The following NTRK2 variants were observed in gnomAD, a reference collection of about 807,000 sequenced individuals.
NTRK2 encodes the protein BDNF/NT-3 growth factors receptor.
NTRK2 carries 13 observed loss-of-function variants against 94.5 expected under a neutral mutation model. The observed-to-expected ratio is 0.14, with a 90% CI of 0.09 to 0.22. The LOEUF is 0.22. NTRK2 is among the 10% of genes least tolerant of loss of function. The pLI, the probability that NTRK2 is intolerant of heterozygous loss-of-function variation, is 1.00. For missense variants in NTRK2, 639 were observed against 1,071.2 expected (o/e 0.60, Z 5.63); for synonymous variants, 372 against 407.4 (o/e 0.91, Z 1.05).
intron 12 of NTRK2, among the ~76,000 whole-genome samples, chr9:84,755,877 G>A (rs985177051): frequency 3.3e-5 from 5 of 152,012 alleles, no homozygotes; most frequent in African/African-American, 4.8e-5. Flanking sequence ...TGTCCAATAG[G>A]CTCCCGGCCC....
intron 17 of NTRK2, among the ~76,000 whole-genome samples, chr9:85,018,029 A>C (rs1239303991): frequency 6.6e-6 from 1 of 151,118 alleles, no homozygotes; most frequent in Non-Finnish European, 1.5e-5. Context: ...TTTTTTTTGC[A>C]TGTTAGGTAA....
intron 15 of NTRK2, among the ~76,000 whole-genome samples, chr9:84,941,755 A>C (rs562280816): frequency 1.3e-5 from 2 of 152,172 alleles, no homozygotes; most frequent in Non-Finnish European, 2.9e-5. Flanking sequence ...CTTTTGATTC[A>C]ATATTTCTCT....
At chr9:84,894,103 G>A (rs958460030) in intron 14 of NTRK2, among the ~76,000 whole-genome samples, 2 of 102,296 alleles carry the variant, frequency 2.0e-5, no homozygotes, top group Non-Finnish European at 4.0e-5. Context: ...ACAGGTGCCT[G>A]GCAATTGCAT....
chr9:84,900,807 A>G (rs1418633830), intron 14 of NTRK2, among the ~76,000 whole-genome samples: 5 of 152,204 alleles, frequency 3.3e-5, no homozygotes, highest in Admixed American at 6.5e-5. Context: ...GATTCATTTA[A>G]AATTCCTCTC....
chr9:84,959,062 A>G (rs2277192), intron 17 of NTRK2, among the ~76,000 whole-genome samples: 18,431 of 152,180 alleles, frequency 0.12, 1,541 homozygotes, highest in East Asian at 0.38. Flanking sequence ...CAACTTCTCT[A>G]TCACCATAGC....
chr9:85,013,058 C>T (rs1285625185), intron 17 of NTRK2, among the ~76,000 whole-genome samples: 3 of 152,220 alleles, frequency 2.0e-5, no homozygotes, highest in East Asian at 1.9e-4. Context: ...TTCCAGGGCT[C>T]AAAAGAGGGA....
intron 14 of NTRK2, among the ~76,000 whole-genome samples, chr9:84,891,173 GC>G (rs2076582802): frequency 6.6e-6 from 1 of 152,002 alleles, no homozygotes; most frequent in African/African-American, 2.4e-5. Context: ...TCAGCCAAGG[GC>G]CCCAGTTCTC....
chr9:84,706,001 G>A (rs967291040), intron 4 of NTRK2, among the ~76,000 whole-genome samples: 12 of 151,940 alleles, frequency 7.9e-5, no homozygotes, highest in African/African-American at 2.7e-4. Flanking sequence ...TGTTGGCCAG[G>A]CTGGTCTCAA....
intron 14 of NTRK2, among the ~76,000 whole-genome samples, chr9:84,885,268 A>G (rs950382876): frequency 1.3e-5 from 2 of 152,244 alleles, no homozygotes; most frequent in African/African-American, 4.8e-5. Context: ...TTTTCAGATG[A>G]TCCCTTGAAA....
intron 10 of NTRK2, 48 bp from the exon 11 acceptor site, chr9:84,744,925 T>C (rs1423029300): frequency 7.6e-7 from 1 of 1,320,310 alleles, no homozygotes; most frequent in Non-Finnish European, 1.1e-6. Context: ...TGTTGGCAGC[T>C]TAATGACAAC....
chr9:84,726,825 A>AT (rs2062496711), intron 8 of NTRK2, among the ~76,000 whole-genome samples: 4 of 152,238 alleles, frequency 2.6e-5, no homozygotes, highest in Non-Finnish European at 5.9e-5. Flanking sequence ...GCCAGACTAC[A>AT]TTAAAATGAA....
At position 84,808,105 on chromosome 9, in the gene NTRK2, A is replaced by G. The variant is rs146719562; in HGVS notation, c.1397-52935A>G. Among the ~76,000 whole-genome samples the G allele has an allele frequency of 2.2e-3, 328 of 152,346 alleles. 4 individuals are homozygous for G. Among genetic ancestry groups the G allele is most frequent in the African/African-American group, 7.2e-3 (301 of 41,580 alleles). ...GAAGGATGGATCACAAAAGGCAAGC[A>G]CAAGAAGGTTGCAGAGGGACACTTG... On this transcript the variant is annotated intron_variant, in intron 12 of 18. Coordinates refer to ENST00000277120, the MANE Select transcript of NTRK2 (RefSeq NM_006180.6).
intron 14 of NTRK2, among the ~76,000 whole-genome samples, chr9:84,918,607 GT>G (rs767717776): frequency 6.2e-4 from 94 of 152,150 alleles, no homozygotes; most frequent in Non-Finnish European, 1.2e-3. Flanking sequence ...AAATTTATAT[GT>G]TTTTTAACAA....
At chr9:84,757,454 A>G (rs2065183782) in intron 12 of NTRK2, among the ~76,000 whole-genome samples, 1 of 152,174 alleles carries the variant, frequency 6.6e-6, no homozygotes. Flanking sequence ...ATTTTTCTTT[A>G]TCAGTACCTA....
At chr9:85,016,441 A>ATCAG (rs1832236197) in intron 17 of NTRK2, among the ~76,000 whole-genome samples, 1 of 152,218 alleles carries the variant, frequency 6.6e-6, no homozygotes, top group African/African-American at 2.4e-5. Flanking sequence ...CCCACAGCAT[A>ATCAG]TCAGGCTGAG....
At chr9:84,920,056 C>T (rs2077514394) in intron 14 of NTRK2, among the ~76,000 whole-genome samples, 1 of 152,208 alleles carries the variant, frequency 6.6e-6, no homozygotes, top group Non-Finnish European at 1.5e-5. Context: ...CACCAGACCC[C>T]TGCCTCTAGG....
chr9:84,702,118 A>G (rs1441072575), intron 2 of NTRK2, 41 bp from the exon 3 acceptor site: 1 of 1,579,880 alleles, frequency 6.3e-7, no homozygotes, highest in African/African-American at 1.3e-5. Context: ...GCTGCTGCCT[A>G]CATTCTGAGT....
intron 14 of NTRK2, chr9:84,873,649 T>C: frequency 9.5e-7 from 1 of 1,054,650 alleles, no homozygotes; most frequent in East Asian, 5.3e-5. Context: ...CATAATTACA[T>C]TTAAAATGTA....
chr9:84,851,643 A>G (rs1447670154), intron 12 of NTRK2, among the ~76,000 whole-genome samples: 2 of 152,192 alleles, frequency 1.3e-5, no homozygotes, highest in East Asian at 3.9e-4. Context: ...GGGTCACTAA[A>G]AAGAAAGACA....
Sources: gnomAD v4.1 joint callset for allele counts (sites outside exome capture counted in the v4.1 genomes callset) on GRCh38, gnomAD v4.1.1 for gene constraint, MANE v1.5 for transcripts, NCBI Gene and HGNC (gene_info 2026-07-23, HGNC 2026-07-21) for gene names.